IMMP2L: variants seen among roughly 807,000 people sequenced by gnomAD.
IMMP2L encodes the protein mitochondrial inner membrane protease subunit 2.
A neutral mutation model predicts 19.3 loss-of-function variants in IMMP2L; 18 were observed. The ratio of observed to expected loss-of-function variants is 0.93; its 90% CI spans 0.64 to 1.38. The LOEUF (loss-of-function observed/expected upper bound fraction) is 1.38, where lower values mean the gene tolerates loss of function less well. Among genes scored for constraint, IMMP2L ranks in the 40% most tolerant of loss-of-function variants. IMMP2L has a pLI of 0.00. For missense variants in IMMP2L, 233 were observed against 218.2 expected, an observed-to-expected ratio of 1.07 and a Z score of -0.43; for synonymous variants, 76 against 73.0, an observed-to-expected ratio of 1.04 and a Z score of -0.21.
At chr7:111,334,153 T>G (rs1265336199) in intron 3 of IMMP2L, among the ~76,000 whole-genome samples, 1 of 151,968 alleles carries the variant, frequency 6.6e-6, no homozygotes, top group Non-Finnish European at 1.5e-5. Context: ...CATTTTTAAG[T>G]GTATAATTTG....
At chr7:111,297,859 T>C (rs1002949548) in intron 3 of IMMP2L, among the ~76,000 whole-genome samples, 6 of 151,976 alleles carry the variant, frequency 3.9e-5, no homozygotes, top group Non-Finnish European at 8.8e-5. Flanking sequence ...TTAGGAAAAA[T>C]GAATCCACTG....
Position 110,747,409 on chromosome 7 carries a change from A to C in IMMP2L, c.409-83688T>G, listed in dbSNP as rs191070123. Among the ~76,000 whole-genome samples, 738 of 152,314 alleles carry C rather than the reference A, an allele frequency of 4.8e-3. 5 individuals are homozygous for C. Among genetic ancestry groups the C allele is most frequent in the African/African-American group, 0.017 (698 of 41,570 alleles). Reference sequence around the variant, plus strand: ...TTCCTAACTCATTTATGAGGCAAGCACCATCCTGATACCAAAACCTGGCAG... The same window carrying C: ...TTCCTAACTCATTTATGAGGCAAGCCCCATCCTGATACCAAAACCTGGCAG... On this transcript the variant is annotated intron_variant, in intron 5 of 5. Transcript: ENST00000405709.
In IMMP2L at chr7:110,663,683, G is replaced by C; in HGVS notation, c.447C>G (p.Ile149Met). ...LGLLHAHATH[I>M]LWPPERWQKL... is the part of the protein sequence containing the mutation. ...TCTGCCAGCGCTCTGGGGGCCACAG[G>C]ATATGTGTGGCATGGGCATGCAGAA... is the stretch of plus-strand genomic sequence containing the variant. The change falls in exon 6 of 6, where the codon ATC becomes ATG. Residue 149 changes from isoleucine (I) to methionine (M), a missense_variant. Ile to Met is a conservative substitution (Grantham distance 10). Coordinates refer to ENST00000405709, the MANE Select transcript of IMMP2L (RefSeq NM_032549.4). 1.2e-6 allele frequency: 2 copies of C among 1,602,834 alleles called. No homozygotes were observed. Among genetic ancestry groups the C allele is most frequent in the Non-Finnish European group, 1.7e-6 (2 of 1,171,950 alleles).
At chr7:110,947,928 C>G (rs941446040) in intron 4 of IMMP2L, among the ~76,000 whole-genome samples, 1 of 152,078 alleles carries the variant, frequency 6.6e-6, no homozygotes, top group Non-Finnish European at 1.5e-5. Flanking sequence ...AGTTGCAGAG[C>G]CCAAAGTTAA....
At chr7:110,672,017 CAAAACA>C (rs1425353806) in intron 5 of IMMP2L, among the ~76,000 whole-genome samples, 3 of 151,562 alleles carry the variant, frequency 2.0e-5, no homozygotes, top group African/African-American at 4.9e-5. Context: ...CTGAAAAAAA[CAAAACA>C]AAAACAAAAA....
chr7:111,514,893 C>CA lies in IMMP2L; in HGVS notation c.135+6419dup, dbSNP rs1421487950. Among the ~76,000 whole-genome samples the CA allele has an allele frequency of 3.9e-5, 6 of 151,938 alleles. No homozygotes were observed. In the East Asian group the frequency reaches 9.6e-4, roughly 24 times the overall value. On this transcript the variant is annotated intron_variant, in intron 2 of 5. Coordinates refer to ENST00000405709, the MANE Select transcript of IMMP2L (RefSeq NM_032549.4). ...ACAGCAGTAAATACCATTATCACCC[C>CA]AAAAAACAATGTATCAAAGCACAAG...
intron 3 of IMMP2L, among the ~76,000 whole-genome samples, chr7:111,275,021 T>C (rs146031002): frequency 2.3e-3 from 347 of 152,298 alleles, no homozygotes; most frequent in African/African-American, 7.1e-3. Context: ...TTCATTTACA[T>C]TGACATTCTA....
chr7:111,200,064 T>C (rs1205271095), intron 3 of IMMP2L, among the ~76,000 whole-genome samples: 12 of 152,116 alleles, frequency 7.9e-5, no homozygotes, highest in African/African-American at 2.9e-4. Context: ...TAAATGAAGA[T>C]ATTGAAGTTT....
At chr7:110,969,963 C>G (rs1252101659) in intron 3 of IMMP2L, among the ~76,000 whole-genome samples, 1 of 152,054 alleles carries the variant, frequency 6.6e-6, no homozygotes, top group Non-Finnish European at 1.5e-5. Context: ...GATGAAACAA[C>G]AACAGAATGA....
At chr7:111,096,517 A>C (rs889135970) in intron 3 of IMMP2L, among the ~76,000 whole-genome samples, 28 of 151,046 alleles carry the variant, frequency 1.9e-4, no homozygotes, top group African/African-American at 6.5e-4. Flanking sequence ...TTAAAAAAAA[A>C]AAAACAAAAC....
intron 3 of IMMP2L, among the ~76,000 whole-genome samples, chr7:111,389,872 T>C (rs1832164905): frequency 6.6e-6 from 1 of 152,156 alleles, no homozygotes; most frequent in Admixed American, 6.5e-5. Context: ...TATATAATTC[T>C]AAGGGCACTA....
intron 3 of IMMP2L, among the ~76,000 whole-genome samples, chr7:111,115,293 G>GTTT (rs138785361): frequency 0.042 from 6,392 of 152,198 alleles, 197 homozygotes; most frequent in South Asian, 0.081. Context: ...CAAGAGACAA[G>GTTT]TTATGACTTA....
At chr7:111,220,363 G>A (rs1586892037) in intron 3 of IMMP2L, among the ~76,000 whole-genome samples, 1 of 151,958 alleles carries the variant, frequency 6.6e-6, no homozygotes, top group African/African-American at 2.4e-5. Context: ...AGCAAGTTCA[G>A]ATTTTAAAAC....
At chr7:110,945,788 T>A (rs1817192422) in intron 4 of IMMP2L, among the ~76,000 whole-genome samples, 1 of 151,946 alleles carries the variant, frequency 6.6e-6, no homozygotes, top group African/African-American at 2.4e-5. Context: ...AGGGTGGAGG[T>A]TGTGAGCAGA....
intron 3 of IMMP2L, among the ~76,000 whole-genome samples, chr7:111,165,330 A>G (rs1255643672): frequency 1.3e-5 from 2 of 151,946 alleles, no homozygotes; most frequent in Admixed American, 1.3e-4. Flanking sequence ...CTGTCAATGG[A>G]TATTTGGGTT....
At chr7:111,411,010 A>G (rs1268058274) in intron 3 of IMMP2L, among the ~76,000 whole-genome samples, 1 of 151,180 alleles carries the variant, frequency 6.6e-6, no homozygotes, top group Non-Finnish European at 1.5e-5. Flanking sequence ...TTAATAAACA[A>G]TATCAGCCTA....
chr7:111,281,423 G>A (rs1440686926), intron 3 of IMMP2L, among the ~76,000 whole-genome samples: 1 of 152,098 alleles, frequency 6.6e-6, no homozygotes, highest in African/African-American at 2.4e-5. Context: ...AATGTGGCAA[G>A]TCAAGAAACT....
At position 110,705,448 on chromosome 7, in the gene IMMP2L, G is replaced by C. The variant is rs894891144; in HGVS notation, c.409-41727C>G. ...CCAACCCCTAAGAGGTAGTTCCCCAGGTAATGAATTTTGCCAACATAATAA... is the reference window on the plus strand; with the variant it reads ...CCAACCCCTAAGAGGTAGTTCCCCACGTAATGAATTTTGCCAACATAATAA... On this transcript the variant is annotated intron_variant, in intron 5 of 5. Coordinates refer to ENST00000405709, the MANE Select transcript of IMMP2L (RefSeq NM_032549.4). Among the ~76,000 whole-genome samples the C allele has an allele frequency of 2.6e-5, 4 of 152,186 alleles. No homozygotes were observed. The South Asian group carries it at 8.3e-4, about 32-fold the overall frequency.
chr7:111,129,495 C>T (rs892134597), intron 3 of IMMP2L, among the ~76,000 whole-genome samples: 2 of 151,756 alleles, frequency 1.3e-5, no homozygotes, highest in Non-Finnish European at 2.9e-5. Context: ...ATCAATTAAA[C>T]AGAAAAGACT....
Sources: allele counts gnomAD v4.1 joint callset (sites outside exome capture counted in the v4.1 genomes callset), GRCh38; gene constraint gnomAD v4.1.1; transcripts MANE v1.5; gene names NCBI Gene and HGNC (gene_info 2026-07-23, HGNC 2026-07-21).